RBM33: variants seen among roughly 807,000 people sequenced by gnomAD.
RBM33 encodes RNA binding motif protein 33.
A neutral mutation model predicts 132.6 loss-of-function variants in RBM33; 28 were observed. That is an observed-to-expected ratio of 0.21 (90% confidence interval 0.16 to 0.29). The LOEUF (loss-of-function observed/expected upper bound fraction) is 0.29, where lower values mean the gene tolerates loss of function less well. RBM33 is among the 10% of genes least tolerant of loss of function. RBM33 has a pLI of 1.00. For synonymous variants in RBM33, 634 were observed against 593.0 expected, an observed-to-expected ratio of 1.07 and a Z score of -1.01; for missense variants, 1,291 against 1,518.5, an observed-to-expected ratio of 0.85 and a Z score of 2.49.
intron 7 of RBM33, 141 bp from the exon 8 acceptor site, chr7:155,711,062 A>T (rs528100924): frequency 8.0e-7 from 1 of 1,246,966 alleles, no homozygotes; most frequent in Non-Finnish European, 1.1e-6. Context: ...GTTACTACAG[A>T]CTTCTTACAT....
At position 155,745,473 on chromosome 7, in the gene RBM33, G is replaced by A. The variant is rs149419607; in HGVS notation, c.2850G>A (p.Ala950=). 4.6e-5 allele frequency: 75 copies of A among 1,613,696 alleles called. 1 individual carries two copies. Among genetic ancestry groups the A allele is most frequent in the African/African-American group, 2.0e-4 (15 of 75,002 alleles). ...CTGTCCCCCAGACTCCTCGAGTGGC[G>A]TCCATCCAGGGCCGGCCCCAGGACA... ...EPAVPQTPRV[A]SIQGRPQDTK... is the part of the protein sequence containing the mutation. Residue 950 remains alanine (A), a synonymous_variant, in exon 14 of 18, where the codon GCG becomes GCA. Coordinates refer to ENST00000401878, the MANE Select transcript of RBM33 (RefSeq NM_053043.3). The surrounding 1 kb of genome is among the most constrained non-coding windows in gnomAD (Gnocchi z 4.1).
rs1802720901 is a variant in RBM33 at position 155,779,064 on chromosome 7, C to G, written c.*4023C>G. 1.3e-5 allele frequency: 2 copies of G among 152,248 alleles called. No homozygotes were observed. Among genetic ancestry groups the G allele is most frequent in the African/African-American group, 4.8e-5 (2 of 41,374 alleles). 9.4% of individuals were successfully genotyped at this position (152,248 alleles called of 1,614,324 possible). ...TTTGTGGGTGACTTCAGGCTTCCCG[C>G]TTTCGTGGTGCTCTTCCTGGGATTC... On this transcript the variant is annotated 3_prime_UTR_variant, in exon 18 of 18. Transcript: ENST00000401878.
At chr7:155,726,487 T>C (rs1410143577) in intron 9 of RBM33, among the ~76,000 whole-genome samples, 1 of 152,134 alleles carries the variant, frequency 6.6e-6, no homozygotes, top group Admixed American at 6.5e-5. Flanking sequence ...TATGAGAGAA[T>C]AATAATTTCT....
intron 1 of RBM33, among the ~76,000 whole-genome samples, chr7:155,653,008 C>T (rs1487638286): frequency 1.3e-5 from 2 of 152,188 alleles, no homozygotes; most frequent in Non-Finnish European, 2.9e-5. Context: ...CTTCAAGATT[C>T]ATCAGTGTCG....
At chr7:155,678,217 A>G (rs1369254867) in intron 3 of RBM33, among the ~76,000 whole-genome samples, 1 of 152,246 alleles carries the variant, frequency 6.6e-6, no homozygotes, top group Non-Finnish European at 1.5e-5. Flanking sequence ...TGTGTTGTTT[A>G]AAAAATCTTT....
At chr7:155,716,316 G>GTTTTTTTTTTTTTTTTTT (rs59289310) in intron 8 of RBM33, among the ~76,000 whole-genome samples, 7,879 of 100,828 alleles carry the variant, frequency 0.078, 1,062 homozygotes, top group East Asian at 0.14. Context: ...CTTTTCTGCT[G>GTTTTTTTTTTTTTTTTTT]TTTTTTTTTT....
At chr7:155,740,210 C>T in intron 12 of RBM33, among the ~76,000 whole-genome samples, 184 bp downstream of exon 12, 1 of 152,184 alleles carries the variant, frequency 6.6e-6, no homozygotes, top group African/African-American at 2.4e-5. Context: ...GTTTTCTTGA[C>T]TACAAGAATT....
chr7:155,748,197 T>C (rs1801579356), intron 14 of RBM33, among the ~76,000 whole-genome samples: 1 of 152,240 alleles, frequency 6.6e-6, no homozygotes, highest in Non-Finnish European at 1.5e-5. Flanking sequence ...AATGAAAACA[T>C]TTTATTGTTG....
chr7:155,683,138 T>C (rs1241707830), intron 5 of RBM33, among the ~76,000 whole-genome samples: 1 of 152,242 alleles, frequency 6.6e-6, no homozygotes, highest in Non-Finnish European at 1.5e-5. Context: ...ACATGTGTTC[T>C]AGCCGTGGTC....
intron 3 of RBM33, among the ~76,000 whole-genome samples, chr7:155,674,265 C>T (rs1328724833): frequency 2.0e-5 from 3 of 151,964 alleles, no homozygotes; most frequent in South Asian, 2.1e-4. Flanking sequence ...TGTAGTGTGA[C>T]GTCTGGAGTG....
At chr7:155,724,145 T>G (rs767158339) in intron 9 of RBM33, among the ~76,000 whole-genome samples, 1 of 152,230 alleles carries the variant, frequency 6.6e-6, no homozygotes, top group Non-Finnish European at 1.5e-5. Context: ...GCTTTTTTTT[T>G]TCTTTTAATA....
At chr7:155,707,598 C>T (rs1168202655) in intron 7 of RBM33, among the ~76,000 whole-genome samples, 2 of 152,036 alleles carry the variant, frequency 1.3e-5, no homozygotes, top group Non-Finnish European at 2.9e-5. Flanking sequence ...ATTAGAATTT[C>T]GTTTGTATTT....
rs368091691 is a variant in RBM33, at chr7:155,725,342, AATT to A, written c.1260+6906_1260+6908del. On this transcript the variant is annotated intron_variant, in intron 9 of 17. Transcript: ENST00000401878. ...TTCAGCCTGTGGAGCAAAAGTAAAA[AATT>A]ATTATTTTTTGTTTTAGAGATTGGC... Among the ~76,000 whole-genome samples the A allele has an allele frequency of 2.9e-4, 44 of 151,922 alleles. No individual in the cohort carries two copies. In the East Asian group the frequency reaches 7.3e-3, roughly 25 times the overall value.
chr7:155,692,617 A>G (rs1799677923), intron 5 of RBM33, among the ~76,000 whole-genome samples: 1 of 152,208 alleles, frequency 6.6e-6, no homozygotes, highest in African/African-American at 2.4e-5. Context: ...GCAGAATGCT[A>G]CTGCTAGTGA....
At chr7:155,681,618 T>G (rs1281975896) in intron 5 of RBM33, among the ~76,000 whole-genome samples, 1 of 152,174 alleles carries the variant, frequency 6.6e-6, no homozygotes, top group African/African-American at 2.4e-5. Context: ...GGGAAGGATG[T>G]GATCTCAGTA....
intron 3 of RBM33, among the ~76,000 whole-genome samples, chr7:155,673,945 T>TTTTTTTTGTTTTTTTTTTGTTTTG (rs1563138328): frequency 1.1e-5 from 1 of 88,482 alleles, no homozygotes; most frequent in African/African-American, 5.2e-5. Flanking sequence ...GCTTAGTTTT[T>TTTTTTTTGTTTTTTTTTTGTTTTG]TTTTTTTTTT....
At chr7:155,716,316 G>GTTTTTTTGTTTT (rs1800461024) in intron 8 of RBM33, among the ~76,000 whole-genome samples, 1 of 102,384 alleles carries the variant, frequency 9.8e-6, no homozygotes, top group Non-Finnish European at 1.9e-5. Flanking sequence ...CTTTTCTGCT[G>GTTTTTTTGTTTT]TTTTTTTTTT....
At position 155,673,799 on chromosome 7, in the gene RBM33, C is replaced by CACACAT. The variant is rs776438670; in HGVS notation, c.171+886_171+887insACATAC. Among the ~76,000 whole-genome samples the CACACAT allele has an allele frequency of 1.1e-4, 16 of 149,228 alleles. 2 individuals are homozygous for CACACAT. Among genetic ancestry groups the CACACAT allele is most frequent in the African/African-American group, 3.8e-4 (15 of 39,478 alleles). ...ACACACACACACACACACACACACA[C>CACACAT]ACCCCTACCAGTATATTTCGGACAT... On this transcript the variant is annotated intron_variant, in intron 3 of 17. Coordinates refer to ENST00000401878, the MANE Select transcript of RBM33 (RefSeq NM_053043.3).
intron 4 of RBM33, among the ~76,000 whole-genome samples, chr7:155,679,077 C>T (rs1435702749): frequency 1.3e-5 from 2 of 152,086 alleles, no homozygotes; most frequent in African/African-American, 4.8e-5. Context: ...AGGGCTGAAG[C>T]AGGAGAATTG....
Sources: gnomAD v4.1 joint callset for allele counts (sites outside exome capture counted in the v4.1 genomes callset) on GRCh38, gnomAD v4.1.1 for gene constraint, Gnocchi (gnomAD v3.1) non-coding constraint, MANE v1.5 for transcripts, NCBI Gene and HGNC (gene_info 2026-07-23, HGNC 2026-07-21) for gene names.